KCNK2: variants seen among roughly 807,000 people sequenced by gnomAD.
KCNK2 encodes the protein potassium channel subfamily K member 2.
Under a neutral mutation model 40.5 loss-of-function variants are expected in KCNK2, and 21 were observed. That is an observed-to-expected ratio of 0.52 (90% CI 0.37 to 0.75). The LOEUF is 0.75. Among genes scored for constraint, KCNK2 ranks in the 30% least tolerant of loss-of-function variants. The pLI, the probability that KCNK2 is intolerant of heterozygous loss-of-function variation, is 0.00. For missense variants in KCNK2, 399 were observed against 531.6 expected (o/e 0.75, Z 2.45); for synonymous variants, 191 against 202.2 (o/e 0.94, Z 0.47).
chr1:215,096,199 T>A (rs1448212133), intron 2 of KCNK2, among the ~76,000 whole-genome samples: 1 of 151,920 alleles, frequency 6.6e-6, no homozygotes, highest in Non-Finnish European at 1.5e-5. Context: ...TACCAAGGTG[T>A]GTGTGTGTGA....
At chr1:215,104,112 T>C (rs1432633080) in intron 2 of KCNK2, among the ~76,000 whole-genome samples, 1 of 152,086 alleles carries the variant, frequency 6.6e-6, no homozygotes, top group Non-Finnish European at 1.5e-5. Context: ...ATATTTTGAA[T>C]TAATTGCATG....
intron 2 of KCNK2, among the ~76,000 whole-genome samples, chr1:215,103,431 A>G (rs4271184): frequency 0.55 from 82,920 of 151,798 alleles, 25,387 homozygotes; most frequent in Non-Finnish European, 0.68. Context: ...CACAAGATTG[A>G]TATTACTGGA....
chr1:215,010,994 AT>A (rs1443515968), intron 1 of KCNK2, among the ~76,000 whole-genome samples: 1 of 108,688 alleles, frequency 9.2e-6, no homozygotes, highest in Non-Finnish European at 1.7e-5. Flanking sequence ...AAATATACTT[AT>A]ATATAATATT....
intron 3 of KCNK2, among the ~76,000 whole-genome samples, chr1:215,151,528 A>G (rs11120511): frequency 0.57 from 86,167 of 151,902 alleles, 26,415 homozygotes; most frequent in Non-Finnish European, 0.68. Flanking sequence ...CCATTTTAAA[A>G]ACATTTATAG....
chr1:215,101,941 T>C (rs966692007), intron 2 of KCNK2, among the ~76,000 whole-genome samples: 2 of 152,068 alleles, frequency 1.3e-5, no homozygotes, highest in African/African-American at 2.4e-5. Context: ...TTCACTATAC[T>C]ATACTGTTTC....
At chr1:215,230,016 A>G (rs1030117584) in intron 6 of KCNK2, among the ~76,000 whole-genome samples, 1 of 143,166 alleles carries the variant, frequency 7.0e-6, no homozygotes. Flanking sequence ...ACACACACAG[A>G]TTATATATAT....
chr1:215,191,390 A>T (rs1371877376), intron 5 of KCNK2, among the ~76,000 whole-genome samples: 1 of 152,048 alleles, frequency 6.6e-6, no homozygotes, highest in Non-Finnish European at 1.5e-5. Context: ...GGCTTTCTTA[A>T]TGCTGGGTAG....
intron 3 of KCNK2, among the ~76,000 whole-genome samples, chr1:215,129,324 TTTTG>T (rs747358943): frequency 2.5e-4 from 38 of 152,174 alleles, no homozygotes; most frequent in Non-Finnish European, 4.1e-4. Context: ...TACCCCCATT[TTTTG>T]TTTGTTTGTT....
At chr1:215,184,367 T>C (rs556534708) in intron 5 of KCNK2, among the ~76,000 whole-genome samples, 1 of 152,288 alleles carries the variant, frequency 6.6e-6, no homozygotes, top group South Asian at 2.1e-4. Context: ...TAAATATAAC[T>C]AACAAGGCCT....
intron 4 of KCNK2, among the ~76,000 whole-genome samples, chr1:215,169,884 G>T (rs1327259784): frequency 1.3e-5 from 2 of 152,050 alleles, no homozygotes; most frequent in African/African-American, 4.8e-5. Flanking sequence ...GACCTCCAAT[G>T]ATCTGCCCAT....
chr1:215,077,915 A>T (rs557790045), upstream of KCNK2, among the ~76,000 whole-genome samples: 1 of 152,306 alleles, frequency 6.6e-6, no homozygotes, highest in East Asian at 1.9e-4. Context: ...TCAGAATTTT[A>T]AGCACTCAGT....
At chr1:215,181,692 T>G (rs759325992) in intron 5 of KCNK2, among the ~76,000 whole-genome samples, 1 of 152,204 alleles carries the variant, frequency 6.6e-6, no homozygotes, top group African/African-American at 2.4e-5. Context: ...TGAGCTATGC[T>G]GTCAACTTAT....
intron 5 of KCNK2, among the ~76,000 whole-genome samples, chr1:215,176,874 C>T (rs977332419): frequency 6.6e-6 from 1 of 152,066 alleles, no homozygotes; most frequent in African/African-American, 2.4e-5. Flanking sequence ...TTGCTGGGCC[C>T]AGTGGTATTT....
chr1:215,209,339 T>A (rs1267207251), intron 6 of KCNK2, among the ~76,000 whole-genome samples: 1 of 91,728 alleles, frequency 1.1e-5, no homozygotes, highest in South Asian at 2.9e-4. Flanking sequence ...TTTATATATA[T>A]AATATATATA....
chr1:215,177,740 A>ATATATATATTT lies in KCNK2; in HGVS notation c.823+5558_823+5559insATATATATTTT, dbSNP rs71167812. 2.0e-3 allele frequency among the ~76,000 whole-genome samples: 199 copies of ATATATATATTT among 101,564 alleles called. 2 individuals carry two copies. Among genetic ancestry groups the ATATATATATTT allele is most frequent in the Middle Eastern group, 7.5e-3 (1 of 134 alleles). 66.6% of individuals were successfully genotyped at this position (101,564 alleles called of 152,430 possible). ...TATATGTGTATATATATATATATATATTTTTTTTTTTTGTAGCAGTACCAT... is the reference window on the plus strand; with the variant it reads ...TATATGTGTATATATATATATATATATATATATATTTTTTTTTTTTTTTGTAGCAGTACCAT... On this transcript the variant is annotated intron_variant, in intron 5 of 6. Coordinates refer to ENST00000444842, the MANE Select transcript of KCNK2 (RefSeq NM_001017425.3).
Position 215,122,740 on chromosome 1 carries a change from CTTTTTTTTTTTTT to C in KCNK2, c.358-1882_358-1870del, listed in dbSNP as rs564207038. ...ATCAAATGCTTAAAACATTCATAAT[CTTTTTTTTTTTTT>C]TTTTTTTTTTGAAATGGAGTCTCAC... On this transcript the variant is annotated intron_variant, in intron 2 of 6. Transcript: ENST00000444842. Among the ~76,000 whole-genome samples, 10 of 120,364 alleles carry C rather than the reference CTTTTTTTTTTTTT, an allele frequency of 8.3e-5. No homozygotes were observed. The South Asian group carries it at 8.4e-4, about 10-fold the overall frequency. 79.0% of individuals were successfully genotyped at this position (120,364 alleles called of 152,430 possible).
Position 215,071,319 on chromosome 1 carries a change from G to C in KCNK2, c.35-15049G>C, listed in dbSNP as rs184261934. ...TAATCATGCACATTATCACATAGAG[G>C]GGTTTGCAGGGATGATAGATGAGAG... is the stretch of plus-strand genomic sequence containing the variant. On this transcript the variant is annotated intron_variant, in intron 1 of 6. Transcript: ENST00000391895. 5.9e-5 allele frequency among the ~76,000 whole-genome samples: 9 copies of C among 152,266 alleles called. No individual in the cohort carries two copies. In the East Asian group the frequency reaches 1.2e-3, roughly 20 times the overall value.
intron 1 of KCNK2, among the ~76,000 whole-genome samples, chr1:215,010,728 C>T (rs1418249450): frequency 6.6e-6 from 1 of 151,988 alleles, no homozygotes; most frequent in Admixed American, 6.6e-5. Context: ...TTCAAGAGTT[C>T]TGAGTAGTGT....
intron 6 of KCNK2, among the ~76,000 whole-genome samples, chr1:215,229,207 C>CTTTTTTTTTTTTTTTTTTTTTTTTTT (rs201225142): frequency 7.7e-6 from 1 of 129,922 alleles, no homozygotes; most frequent in African/African-American, 2.8e-5. Context: ...GATTGTTTTT[C>CTTTTTTTTTTTTTTTTTTTTTTTTTT]TTTTTTTTTT....
Sources: allele counts gnomAD v4.1 joint callset (sites outside exome capture counted in the v4.1 genomes callset), GRCh38; gene constraint gnomAD v4.1.1; transcripts MANE v1.5; gene names NCBI Gene and HGNC (gene_info 2026-07-23, HGNC 2026-07-21).